ASTN2: variants seen among roughly 807,000 people sequenced by gnomAD.
ASTN2 encodes the protein astrotactin-2.
A neutral mutation model predicts 139.8 loss-of-function variants in ASTN2; 54 were observed. The ratio of observed to expected loss-of-function variants is 0.39; its 90% CI spans 0.31 to 0.48. ASTN2 has a LOEUF of 0.48. ASTN2 is among the 20% of genes least tolerant of loss of function. The pLI, the probability that ASTN2 is intolerant of heterozygous loss-of-function variation, is 0.95. For missense variants in ASTN2, 1,565 were observed against 1,725.1 expected (o/e 0.91, Z 1.64); for synonymous variants, 756 against 719.5 (o/e 1.05, Z -0.81).
At chr9:116,793,559 T>C (rs1343596615) in intron 13 of ASTN2, among the ~76,000 whole-genome samples, 1 of 152,198 alleles carries the variant, frequency 6.6e-6, no homozygotes, top group African/African-American at 2.4e-5. Context: ...ATTTAGATCA[T>C]ATGATCCCAC....
chr9:116,905,147 C>CTT (rs1400534381), intron 10 of ASTN2, among the ~76,000 whole-genome samples: 1 of 147,900 alleles, frequency 6.8e-6, no homozygotes, highest in Non-Finnish European at 1.5e-5. Flanking sequence ...TCTTGGGCTT[C>CTT]ACTTCTGGAG....
At chr9:117,036,166 T>C (rs1036106440) in intron 6 of ASTN2, among the ~76,000 whole-genome samples, 2 of 152,110 alleles carry the variant, frequency 1.3e-5, no homozygotes, top group African/African-American at 4.8e-5. Flanking sequence ...TCACAGTAAC[T>C]AAGCAACAAA....
At chr9:117,285,002 T>C (rs970220616) in intron 2 of ASTN2, among the ~76,000 whole-genome samples, 3 of 152,240 alleles carry the variant, frequency 2.0e-5, no homozygotes, top group Admixed American at 1.3e-4. Context: ...GTTAAATACA[T>C]GTCAAGTACA....
At chr9:116,834,746 T>A (rs546156346) in intron 11 of ASTN2, among the ~76,000 whole-genome samples, 1 of 152,356 alleles carries the variant, frequency 6.6e-6, no homozygotes, top group East Asian at 1.9e-4. Flanking sequence ...CCTTTTAATT[T>A]TGGTATTTAA....
intron 6 of ASTN2, among the ~76,000 whole-genome samples, chr9:117,016,828 T>C (rs1333015915): frequency 1.4e-5 from 2 of 147,088 alleles, no homozygotes; most frequent in Non-Finnish European, 3.0e-5. Flanking sequence ...TATATATATA[T>C]GTTTTTCCAA....
rs12238371 is a variant in ASTN2 at position 116,599,815 on chromosome 9, C to G, written c.3355+18509G>C. Among the ~76,000 whole-genome samples, 2,885 of 152,246 alleles carry G rather than the reference C, an allele frequency of 0.019. 392 individuals carry two copies. The South Asian group carries it at 0.29, about 15-fold the overall frequency. ...TTACCTCCCTTCCACCTCCCCATGT[C>G]AGATGGAGGAGGAAGGGACTTTACA... On this transcript the variant is annotated intron_variant, in intron 19 of 22. Coordinates refer to ENST00000313400, the MANE Select transcript of ASTN2 (RefSeq NM_001365068.1).
intron 3 of ASTN2, among the ~76,000 whole-genome samples, chr9:117,207,588 A>G (rs1564478771): frequency 6.6e-6 from 1 of 152,120 alleles, no homozygotes; most frequent in East Asian, 1.9e-4. Flanking sequence ...CATCCCTATG[A>G]GCTGCCCCTG....
intron 2 of ASTN2, among the ~76,000 whole-genome samples, chr9:117,227,356 A>T (rs1832748576): frequency 6.6e-6 from 1 of 152,202 alleles, no homozygotes; most frequent in South Asian, 2.1e-4. Context: ...AGCTTCCATA[A>T]TGTAGGGCCT....
chr9:116,519,085 A>G (rs1850764623), intron 19 of ASTN2, among the ~76,000 whole-genome samples: 1 of 152,080 alleles, frequency 6.6e-6, no homozygotes, highest in African/African-American at 2.4e-5. Context: ...CTGAGAGCAC[A>G]AGACAGGTCA....
chr9:117,268,320 G>T (rs749163699), intron 2 of ASTN2, among the ~76,000 whole-genome samples: 4 of 152,132 alleles, frequency 2.6e-5, no homozygotes, highest in African/African-American at 7.2e-5. Context: ...AAATAAGAGG[G>T]TATGGGATAA....
At chr9:117,377,232 C>T (rs1418470636) in intron 1 of ASTN2, among the ~76,000 whole-genome samples, 1 of 151,974 alleles carries the variant, frequency 6.6e-6, no homozygotes, top group Non-Finnish European at 1.5e-5. Context: ...TGGCGATCCA[C>T]TGGGACTGTT....
chr9:116,868,754 C>A (rs901767123), intron 10 of ASTN2, among the ~76,000 whole-genome samples: 2 of 152,246 alleles, frequency 1.3e-5, no homozygotes, highest in African/African-American at 2.4e-5. Context: ...AGGAGAGAAT[C>A]CTTCCTTGCC....
intron 4 of ASTN2, among the ~76,000 whole-genome samples, chr9:117,124,485 A>T (rs1368579904): frequency 1.3e-5 from 2 of 152,220 alleles, no homozygotes; most frequent in African/African-American, 4.8e-5. Context: ...AACAACTCAC[A>T]GCAATAATGA....
At chr9:116,937,960 C>T (rs562990397) in intron 10 of ASTN2, among the ~76,000 whole-genome samples, 2 of 152,112 alleles carry the variant, frequency 1.3e-5, no homozygotes, top group East Asian at 1.9e-4. Context: ...GTGTACCAGG[C>T]CTTTTCATAC....
chr9:116,692,635 G>A (rs1564211016), intron 16 of ASTN2, among the ~76,000 whole-genome samples: 1 of 152,108 alleles, frequency 6.6e-6, no homozygotes, highest in Non-Finnish European at 1.5e-5. Context: ...TGATCCCTCA[G>A]GCCTGCTTCC....
intron 19 of ASTN2, among the ~76,000 whole-genome samples, chr9:116,558,085 T>A (rs1039481854): frequency 1.3e-5 from 2 of 152,192 alleles, no homozygotes; most frequent in Non-Finnish European, 2.9e-5. Context: ...GACCATATCC[T>A]ATATCATGGG....
chr9:117,352,871 T>C (rs1360045350), intron 1 of ASTN2, among the ~76,000 whole-genome samples: 14 of 152,160 alleles, frequency 9.2e-5, no homozygotes, highest in Admixed American at 9.2e-4. Context: ...TCATCATGGA[T>C]GAAGCTTTAA....
intron 17 of ASTN2, among the ~76,000 whole-genome samples, chr9:116,647,181 T>G (rs1209843054): frequency 6.6e-6 from 1 of 152,200 alleles, no homozygotes; most frequent in East Asian, 1.9e-4. Flanking sequence ...AGCCTAGTAC[T>G]CTATACAGTC....
chr9:117,290,586 A>T (rs1834563186), intron 2 of ASTN2, among the ~76,000 whole-genome samples: 1 of 152,206 alleles, frequency 6.6e-6, no homozygotes, highest in Non-Finnish European at 1.5e-5. Context: ...GCACAATGAG[A>T]TAATTTCCAT....
Sources: allele counts gnomAD v4.1 joint callset (sites outside exome capture counted in the v4.1 genomes callset), GRCh38; gene constraint gnomAD v4.1.1; transcripts MANE v1.5; gene names NCBI Gene and HGNC (gene_info 2026-07-23, HGNC 2026-07-21).